Variants in PLEKHA6 observed in about 807,000 individuals in gnomAD.
PLEKHA6 encodes pleckstrin homology domain containing A6.
In PLEKHA6, 60 loss-of-function variants were observed where a neutral mutation model predicts 116.7. The observed-to-expected ratio is 0.51, with a 90% CI of 0.42 to 0.64. The LOEUF (loss-of-function observed/expected upper bound fraction) is 0.64. Among genes scored for constraint, PLEKHA6 ranks in the 30% least tolerant of loss-of-function variants. The pLI, the probability that PLEKHA6 is intolerant of heterozygous loss-of-function variation, is 0.00. For synonymous variants in PLEKHA6, 489 were observed against 556.1 expected, an observed-to-expected ratio of 0.88 and a Z score of 1.70; for missense variants, 1,338 against 1,422.7, an observed-to-expected ratio of 0.94 and a Z score of 0.96.
At position 204,228,310 on chromosome 1, in the gene PLEKHA6, G is replaced by A. The variant is rs1321326917; in HGVS notation, c.2886-82C>T. ...TGAGGGGGCCTGCGGACTGAGGTTG[G>A]CAGGGAGGGCCAGGGCCCCGTGAAT... On this transcript the variant is annotated intron_variant, in intron 20 of 22. Transcript: ENST00000272203. This position sits in a 1 kb window ranked among gnomAD's most constrained non-coding sequence, Gnocchi z 4.0. The A allele has an allele frequency of 8.6e-6, 12 of 1,399,092 alleles. No homozygotes were observed. Among genetic ancestry groups the A allele is most frequent in the Middle Eastern group, 1.9e-4 (1 of 5,390 alleles). The allele number at this position is 1,399,092 out of a possible 1,614,324, so 86.7% of individuals were successfully genotyped here.
Position 204,250,429 on chromosome 1 carries a change from G to A in PLEKHA6, c.1593+117C>T, listed in dbSNP as rs148401440. The stretch of plus-strand genomic sequence containing the variant: ...TATGAAAAGCCACCAGAAGGAGAGA[G>A]ATAGATGGAGAGACAGCCCCCGCAG... On this transcript the variant is annotated intron_variant, in intron 10 of 22. Coordinates refer to ENST00000272203, the MANE Select transcript of PLEKHA6 (RefSeq NM_014935.5). 3.8e-4 allele frequency: 278 copies of A among 729,382 alleles called. 2 individuals are homozygous for A. In the African/African-American group the frequency reaches 4.2e-3, roughly 11 times the overall value. The allele number at this position is 729,382 out of a possible 1,614,324, so 45.2% of individuals were successfully genotyped here. A position where few individuals can be genotyped will look rare whatever the true frequency, so the allele number is the denominator to read the frequency against.
At position 204,259,662 on chromosome 1, in the gene PLEKHA6, A is replaced by G. The variant is rs1665855017; in HGVS notation, c.603T>C (p.Pro201=). ...CCCCTCGAGTCTTGGCCTCTGGCTC[A>G]GGCTTAGGGAGGCTGTTGTGGGGTG... ...QQPPHNSLPK[P]EPEAKTRGEG... is the part of the protein sequence containing the mutation. The change falls in exon 8 of 23, where the codon CCT becomes CCC. Residue 201 remains proline, a synonymous_variant. Coordinates refer to ENST00000272203, the MANE Select transcript of PLEKHA6 (RefSeq NM_014935.5). This position sits in a 1 kb window ranked among gnomAD's most constrained non-coding sequence, Gnocchi z 4.6. 1 of 1,613,966 alleles carries G rather than the reference A, an allele frequency of 6.2e-7. No individual in the cohort carries two copies. The highest frequency in any genetic ancestry group is 1.3e-5 in the African/African-American group (1 of 74,924).
At chr1:204,256,885 C>T (rs1212264413) in intron 9 of PLEKHA6, 1 of 645,792 alleles carries the variant, frequency 1.5e-6, no homozygotes, top group South Asian at 1.7e-5. Context: ...CCCAGGTAAT[C>T]ATACTGGAAG....
Position 204,223,355 on chromosome 1 carries a change from G to A in PLEKHA6, c.*8+107C>T. 1 of 708,536 alleles carries A rather than the reference G, an allele frequency of 1.4e-6. No individual in the cohort carries two copies. The highest frequency in any genetic ancestry group is 2.6e-6 in the Non-Finnish European group (1 of 381,702). The allele number at this position is 708,536 out of a possible 1,614,324, so 43.9% of individuals were successfully genotyped here. A position where few individuals can be genotyped will look rare whatever the true frequency, so the allele number is the denominator to read the frequency against. ...GGGGAGGAGCAGCACAGGGCACTGG[G>A]GTAGGGGAGAAGCAATACCAAAATG... On this transcript the variant is annotated intron_variant, in intron 22 of 22. Coordinates refer to ENST00000272203, the MANE Select transcript of PLEKHA6 (RefSeq NM_014935.5). This position sits in a 1 kb window ranked among gnomAD's most constrained non-coding sequence, Gnocchi z 4.8.
intron 1 of PLEKHA6, chr1:204,313,777 A>C: frequency 1.1e-6 from 1 of 872,812 alleles, no homozygotes; most frequent in Non-Finnish European, 1.4e-6. Context: ...GTAGGTGTCT[A>C]ATTAAGCAAG....
chr1:204,347,380 T>C (rs1673100631), intron 1 of PLEKHA6: 1 of 594,198 alleles, frequency 1.7e-6, no homozygotes, highest in Non-Finnish European at 3.0e-6. Context: ...GTGATCTCTC[T>C]TGTTCCCTAA....
At chr1:204,226,670 C>G (rs973482962) in intron 21 of PLEKHA6, among the ~76,000 whole-genome samples, 5 of 152,152 alleles carry the variant, frequency 3.3e-5, no homozygotes, top group African/African-American at 4.8e-5. Flanking sequence ...AAGACAGCCT[C>G]TCCCTGAAAT....
chr1:204,238,418 T>C lies in PLEKHA6; in HGVS notation c.2409+2957A>G, dbSNP rs1478456466. Among the ~76,000 whole-genome samples, 1 of 152,172 alleles carries C rather than the reference T, an allele frequency of 6.6e-6. No individual in the cohort carries two copies. The highest frequency in any genetic ancestry group is 1.5e-5 in the Non-Finnish European group (1 of 68,024). On this transcript the variant is annotated intron_variant, in intron 17 of 22. Transcript: ENST00000272203. The surrounding 1 kb of genome is among the most constrained non-coding windows in gnomAD (Gnocchi z 4.2). ...CTTTTGAGAGACACCTGTTGGTCTG[T>C]TACTGGGCTTTGGTGGAAACTGAAC...
intron 1 of PLEKHA6, among the ~76,000 whole-genome samples, chr1:204,296,061 T>C (rs1467853010): frequency 1.3e-5 from 2 of 152,092 alleles, no homozygotes; most frequent in African/African-American, 4.8e-5. Flanking sequence ...TATGTGTCAG[T>C]GTCGTGGATG....
chr1:204,305,264 T>TG (rs1671186407), intron 1 of PLEKHA6, among the ~76,000 whole-genome samples: 1 of 152,080 alleles, frequency 6.6e-6, no homozygotes, highest in Non-Finnish European at 1.5e-5. Flanking sequence ...GCAGAAAGTA[T>TG]GGGGGATGAA....
intron 17 of PLEKHA6, among the ~76,000 whole-genome samples, chr1:204,233,825 A>G (rs1369606613): frequency 6.6e-6 from 1 of 152,156 alleles, no homozygotes; most frequent in African/African-American, 2.4e-5. Context: ...CATGCATACC[A>G]GATGGAGATG....
At chr1:204,272,467 C>T (rs1405965215) in intron 3 of PLEKHA6, among the ~76,000 whole-genome samples, 1 of 152,196 alleles carries the variant, frequency 6.6e-6, no homozygotes, top group Non-Finnish European at 1.5e-5. Context: ...ATTCCCTACC[C>T]TTCCATTTCC....
intron 1 of PLEKHA6, among the ~76,000 whole-genome samples, chr1:204,345,557 G>A (rs1673010513): frequency 6.6e-6 from 1 of 151,942 alleles, no homozygotes; most frequent in African/African-American, 2.4e-5. Context: ...GTGCCACCAT[G>A]AGGCAGATGT....
intron 1 of PLEKHA6, among the ~76,000 whole-genome samples, chr1:204,375,345 T>G (rs1337301347): frequency 6.6e-6 from 1 of 152,094 alleles, no homozygotes; most frequent in Admixed American, 6.6e-5. Flanking sequence ...CCCCCTAATA[T>G]GCACTCCCCT....
intron 1 of PLEKHA6, among the ~76,000 whole-genome samples, chr1:204,286,356 G>T (rs528859182): frequency 6.6e-6 from 1 of 152,088 alleles, no homozygotes; most frequent in Non-Finnish European, 1.5e-5. Flanking sequence ...GTCCTGCCAC[G>T]CAGCAGCCGT....
Position 204,241,718 on chromosome 1 carries a change from C to A in PLEKHA6, c.2269G>T (p.Val757Leu), listed in dbSNP as rs750963374. ...DISLVPTRQE[V>L]EAEKQAALNK... Reference sequence around the variant, plus strand: ...AGAGCTGCCTGCTTCTCTGCCTCTACCTCTTGCCTGGTGGGCACAAGGCTG... The same window carrying A: ...AGAGCTGCCTGCTTCTCTGCCTCTAACTCTTGCCTGGTGGGCACAAGGCTG... The change falls in exon 16 of 23, where the codon GTA becomes TTA. Residue 757 changes from valine (V) to leucine (L), a missense_variant. By Grantham distance (32) the Val-to-Leu change is conservative. This residue lies in a region of PLEKHA6 where 1,136 missense variants were observed against 1,163.6 expected (regional missense o/e 0.98). Transcript: ENST00000272203. The A allele has an allele frequency of 1.2e-6, 2 of 1,610,038 alleles. No individual in the cohort carries two copies. The highest frequency in any genetic ancestry group is 8.5e-7 in the Non-Finnish European group (1 of 1,178,706).
chr1:204,300,262 G>A (rs1670683171), intron 1 of PLEKHA6, among the ~76,000 whole-genome samples: 1 of 152,052 alleles, frequency 6.6e-6, no homozygotes. Flanking sequence ...CTTACCCAGG[G>A]CTCATGATCC....
At position 204,248,827 on chromosome 1, in the gene PLEKHA6, C is replaced by T. The variant is rs147291387; in HGVS notation, c.1818G>A (p.Ala606=). Residue 606 remains alanine, a synonymous_variant, in exon 12 of 23, where the codon GCG becomes GCA. Coordinates refer to ENST00000272203, the MANE Select transcript of PLEKHA6 (RefSeq NM_014935.5). ...LINIRVELSQ[A]TTALTNSTIE... ...ACCCCGCTCCCTGGGTTACCGTGGT[C>T]GCCTGAGACAGCTCCACGCGGATGT... The T allele has an allele frequency of 4.3e-4, 701 of 1,613,572 alleles. 2 individuals are homozygous for T. The highest frequency in any genetic ancestry group is 4.2e-3 in the African/African-American group (315 of 75,036).
chr1:204,355,200 A>G (rs1673381217), intron 1 of PLEKHA6, among the ~76,000 whole-genome samples: 1 of 152,260 alleles, frequency 6.6e-6, no homozygotes, highest in African/African-American at 2.4e-5. Context: ...TCTCATGCAA[A>G]TCAACAAGGT....
Sources: allele counts gnomAD v4.1 joint callset (sites outside exome capture counted in the v4.1 genomes callset), GRCh38; gene constraint gnomAD v4.1.1; regional missense constraint gnomAD v4.1.1; non-coding constraint Gnocchi (gnomAD v3.1); transcripts MANE v1.5; gene names NCBI Gene and HGNC (gene_info 2026-07-23, HGNC 2026-07-21).